The following PTPRK variants were observed in gnomAD, a reference collection of about 807,000 sequenced individuals.
PTPRK encodes protein tyrosine phosphatase receptor type K, also known as receptor-type tyrosine-protein phosphatase kappa.
PTPRK carries 75 observed loss-of-function variants against 178.0 expected under a neutral mutation model. The observed-to-expected ratio is 0.42, with a 90% CI of 0.35 to 0.51. The LOEUF (loss-of-function observed/expected upper bound fraction) is 0.51. Ranked by LOEUF, PTPRK falls within the 20% of genes least tolerant of loss-of-function variation. The probability of loss-of-function intolerance (pLI) is 0.02; values close to 1 mark genes in which losing one functional copy is unlikely to be tolerated. For missense variants in PTPRK, 1,441 were observed against 1,797.8 expected, an observed-to-expected ratio of 0.80 and a Z score of 3.59; for synonymous variants, 637 against 620.6, an observed-to-expected ratio of 1.03 and a Z score of -0.39.
intron 14 of PTPRK, among the ~76,000 whole-genome samples, chr6:128,006,748 GC>G (rs1404894240): frequency 1.3e-5 from 2 of 150,854 alleles, no homozygotes; most frequent in African/African-American, 4.8e-5. Flanking sequence ...TGAAAAAATG[GC>G]ATACATTTGG....
chr6:127,976,916 C>A lies in PTPRK; in HGVS notation c.3843+7G>T. 6.2e-7 allele frequency: 1 copy of A among 1,613,872 alleles called. No homozygotes were observed. Among genetic ancestry groups the A allele is most frequent in the Admixed American group, 1.7e-5 (1 of 60,004 alleles). ...TAAGTACATAAAAGCAATCCATAGC[C>A]ATTAACCTGGGACAAGTCGACTTCG... On this transcript the variant is annotated splice_region_variant and intron_variant, in intron 26 of 29. Coordinates refer to ENST00000368226, the MANE Select transcript of PTPRK (RefSeq NM_002844.4).
At chr6:128,246,200 T>A (rs531011877) in intron 3 of PTPRK, among the ~76,000 whole-genome samples, 335 of 152,290 alleles carry the variant, frequency 2.2e-3, no homozygotes, top group African/African-American at 7.6e-3. Context: ...GACATTCTAA[T>A]GAATAAATAC....
At chr6:128,306,977 CT>C (rs536387202) in intron 3 of PTPRK, among the ~76,000 whole-genome samples, 150 of 151,758 alleles carry the variant, frequency 9.9e-4, no homozygotes, top group Admixed American at 2.7e-3. Flanking sequence ...GGAATAAAAA[CT>C]ATCAGATAAA....
chr6:127,973,575 T>G, intron 28 of PTPRK, 89 bp downstream of exon 28: 1 of 1,475,106 alleles, frequency 6.8e-7, no homozygotes, highest in Non-Finnish European at 9.2e-7. Flanking sequence ...GGGAGGTCCA[T>G]AAGATGCAAG....
chr6:128,086,498 C>T (rs1477303990), intron 8 of PTPRK, among the ~76,000 whole-genome samples: 1 of 152,132 alleles, frequency 6.6e-6, no homozygotes, highest in South Asian at 2.1e-4. Flanking sequence ...TAGCTTTGCT[C>T]TCATGATTTA....
intron 6 of PTPRK, among the ~76,000 whole-genome samples, chr6:128,214,519 G>A (rs1206713787): frequency 6.6e-6 from 1 of 150,444 alleles, no homozygotes. Flanking sequence ...GGACATACTA[G>A]CTGTTTATCC....
intron 7 of PTPRK, among the ~76,000 whole-genome samples, chr6:128,162,978 T>G: frequency 6.6e-6 from 1 of 151,642 alleles, no homozygotes; most frequent in East Asian, 1.9e-4. Flanking sequence ...TAATACTTAA[T>G]GTTAATGTTT....
At chr6:128,511,601 G>A (rs1224682076) in intron 1 of PTPRK, among the ~76,000 whole-genome samples, 3 of 152,194 alleles carry the variant, frequency 2.0e-5, no homozygotes. Flanking sequence ...GAAACATCAT[G>A]TCTCAGTGGA....
chr6:128,001,198 G>A, intron 15 of PTPRK: 1 of 1,532,814 alleles, frequency 6.5e-7, no homozygotes, highest in South Asian at 1.2e-5. Flanking sequence ...ACACTTACCT[G>A]TTATAGGAAC....
At chr6:127,991,849 C>T (rs2114663084) in intron 19 of PTPRK, among the ~76,000 whole-genome samples, 1 of 151,794 alleles carries the variant, frequency 6.6e-6, no homozygotes, top group East Asian at 1.9e-4. Flanking sequence ...ATCATAATAT[C>T]TCCAAACTGC....
intron 7 of PTPRK, among the ~76,000 whole-genome samples, chr6:128,130,838 TA>T (rs528534204): frequency 1.3e-4 from 20 of 151,592 alleles, no homozygotes; most frequent in Middle Eastern, 3.4e-3. Context: ...AGTACCGATA[TA>T]AAAAAAAATT....
At chr6:128,234,223 G>C (rs937311573) in intron 5 of PTPRK, among the ~76,000 whole-genome samples, 17 of 152,232 alleles carry the variant, frequency 1.1e-4, no homozygotes, top group Non-Finnish European at 2.9e-5. Flanking sequence ...AAATGGACAA[G>C]ATGGATAAAA....
intron 1 of PTPRK, among the ~76,000 whole-genome samples, chr6:128,490,423 A>G (rs1383014999): frequency 6.6e-6 from 1 of 152,200 alleles, no homozygotes; most frequent in Non-Finnish European, 1.5e-5. Context: ...TGAACAGTCC[A>G]TGAGTATTAT....
intron 22 of PTPRK, 49 bp downstream of exon 22, chr6:127,985,672 T>C (rs757633239): frequency 4.6e-6 from 7 of 1,515,870 alleles, no homozygotes; most frequent in Admixed American, 1.8e-5. Flanking sequence ...CTTGATACTC[T>C]AAAAAAAGCT....
chr6:128,134,680 G>A (rs946172707), intron 7 of PTPRK, among the ~76,000 whole-genome samples: 15 of 152,090 alleles, frequency 9.9e-5, no homozygotes, highest in Admixed American at 8.5e-4. Flanking sequence ...GCATGGTGGT[G>A]CACACCTATA....
chr6:128,233,286 T>G (rs1812615202), intron 5 of PTPRK, among the ~76,000 whole-genome samples: 1 of 152,354 alleles, frequency 6.6e-6, no homozygotes, highest in East Asian at 1.9e-4. Flanking sequence ...GCTAAAATTT[T>G]TGTGCTTCCC....
chr6:128,067,155 G>A lies in PTPRK; in HGVS notation c.2157+364C>T, dbSNP rs574547404. Among the ~76,000 whole-genome samples, 15 of 152,310 alleles carry A rather than the reference G, an allele frequency of 9.8e-5. No individual in the cohort carries two copies. In the East Asian group the frequency reaches 2.3e-3, roughly 24 times the overall value. On this transcript the variant is annotated intron_variant, in intron 12 of 29. Transcript: ENST00000368226. ...TATCCTGCAGTAAATTTAATCTCTT[G>A]AAGTGTGCCACCACTGAGCAAGGAA...
In PTPRK at chr6:127,985,793, C is replaced by T; in HGVS notation, c.3179G>A (p.Gly1060Glu). The T allele has an allele frequency of 6.2e-7, 1 of 1,613,788 alleles. No homozygotes were observed. The highest frequency in any genetic ancestry group is 1.3e-5 in the African/African-American group (1 of 74,994). Residue 1060 changes from glycine (G) to glutamate (E), a missense_variant, in exon 22 of 30, where the codon GGG becomes GAG. Transcript: ENST00000368226. ...PDHGVPYHAT[G>E]LLSFIRRVKL... ...GACTCGCCGGATAAAGGAAAGCAGC[C>T]CTGTAGCATGGTAGGGCACTCCATG... is the stretch of plus-strand genomic sequence containing the variant.
intron 13 of PTPRK, among the ~76,000 whole-genome samples, chr6:128,044,289 A>G (rs4421216): frequency 0.78 from 118,685 of 151,938 alleles, 47,435 homozygotes; most frequent in South Asian, 0.95. Context: ...CAAGTACTAT[A>G]TATCTGTATC....
Sources: gnomAD v4.1 joint callset for allele counts (sites outside exome capture counted in the v4.1 genomes callset) on GRCh38, gnomAD v4.1.1 for gene constraint, MANE v1.5 for transcripts, NCBI Gene and HGNC (gene_info 2026-07-23, HGNC 2026-07-21) for gene names.